TATDN2: variants seen among roughly 807,000 people sequenced by gnomAD.
TATDN2 encodes TatD DNase domain containing 2.
TATDN2 carries 44 observed loss-of-function variants against 60.3 expected under a neutral mutation model. The observed-to-expected ratio is 0.73, with a 90% CI of 0.57 to 0.94. The LOEUF is 0.94. TATDN2 is among the 40% of genes least tolerant of loss of function. TATDN2 has a pLI of 0.00. For missense variants in TATDN2, 997 were observed against 948.0 expected, an observed-to-expected ratio of 1.05 and a Z score of -0.68; for synonymous variants, 399 against 355.8, an observed-to-expected ratio of 1.12 and a Z score of -1.37.
At chr3:10,252,862 T>TG (rs951968775) in intron 2 of TATDN2, among the ~76,000 whole-genome samples, 3 of 147,186 alleles carry the variant, frequency 2.0e-5, no homozygotes, top group African/African-American at 7.6e-5. Context: ...CTAATTTTTT[T>TG]TTTTTTTTTT....
chr3:10,269,884 A>AT (rs923907589), intron 3 of TATDN2, among the ~76,000 whole-genome samples: 7 of 152,218 alleles, frequency 4.6e-5, no homozygotes, highest in African/African-American at 1.7e-4. Flanking sequence ...GAGTAGCATG[A>AT]TGAGGCCATG....
intron 2 of TATDN2, among the ~76,000 whole-genome samples, chr3:10,259,185 T>C (rs1225287591): frequency 1.3e-5 from 2 of 151,712 alleles, no homozygotes; most frequent in African/African-American, 4.8e-5. Context: ...TTTATAGAGA[T>C]GGGGTTTCGC....
In TATDN2 at chr3:10,252,750, G is replaced by GC. The variant is rs1176645277; in HGVS notation, c.414+3137dup. Among the ~76,000 whole-genome samples the GC allele has an allele frequency of 4.0e-5, 6 of 151,516 alleles. 1 individual carries two copies. Among genetic ancestry groups the GC allele is most frequent in the African/African-American group, 1.5e-4 (6 of 41,334 alleles). On this transcript the variant is annotated intron_variant, in intron 2 of 7. Coordinates refer to ENST00000448281, the MANE Select transcript of TATDN2 (RefSeq NM_014760.4). Reference sequence around the variant, plus strand: ...CTGTCACCCAGGCTGGAGTGCACTGGCATGATCATAGCTCACTGCATCTCA... The same window carrying GC: ...CTGTCACCCAGGCTGGAGTGCACTGGCCATGATCATAGCTCACTGCATCTCA...
At chr3:10,264,602 G>A (rs543352531) in intron 3 of TATDN2, among the ~76,000 whole-genome samples, 19 of 151,614 alleles carry the variant, frequency 1.3e-4, no homozygotes, top group African/African-American at 4.6e-4. Context: ...TTGGTCTTTC[G>A]GATGGAAATT....
At chr3:10,254,680 CAG>C (rs1415496457) in intron 2 of TATDN2, among the ~76,000 whole-genome samples, 3 of 152,164 alleles carry the variant, frequency 2.0e-5, no homozygotes, top group African/African-American at 7.2e-5. Context: ...AGGGAGAAGA[CAG>C]GGAGCTGGTG....
intron 4 of TATDN2, among the ~76,000 whole-genome samples, chr3:10,273,186 A>G (rs1698590897): frequency 1.3e-5 from 2 of 152,190 alleles, no homozygotes; most frequent in Admixed American, 1.3e-4. Flanking sequence ...GAAGATAATG[A>G]GTCTGAGGAG....
rs750772919 is a variant in TATDN2, at chr3:10,260,226, C to T, written c.504C>T (p.Asn168=). 3 of 1,614,058 alleles carry T rather than the reference C, an allele frequency of 1.9e-6. No individual in the cohort carries two copies. Among genetic ancestry groups the T allele is most frequent in the South Asian group, 2.2e-5 (2 of 91,072 alleles). ...EGQNDTIEEP[N]KVQKRKRDRL... is the part of the protein sequence containing the mutation. ...AGAATGATACAATTGAGGAACCCAA[C>T]AAGGTCCAGAAAAGGAAGAGGGATA... Residue 168 remains asparagine, a synonymous_variant, in exon 3 of 8, where the codon AAC becomes AAT. Transcript: ENST00000448281.
chr3:10,255,538 C>G (rs1004076404), intron 2 of TATDN2, among the ~76,000 whole-genome samples: 1 of 151,930 alleles, frequency 6.6e-6, no homozygotes, highest in Non-Finnish European at 1.5e-5. Context: ...TCCCCCAACT[C>G]CAGTCTTGGT....
Position 10,278,036 on chromosome 3 carries a change from G to T in TATDN2, c.1962-243G>T, listed in dbSNP as rs4684675. On this transcript the variant is annotated intron_variant, in intron 5 of 7. Transcript: ENST00000448281. The surrounding 1 kb of genome is among the most constrained non-coding windows in gnomAD (Gnocchi z 4.7). Reference sequence around the variant, plus strand: ...TGTTCTCTGTGGTGGTCATCTCAGGGGACTGCAGAGCACTCTGTGGTGTGC... The same window carrying T: ...TGTTCTCTGTGGTGGTCATCTCAGGTGACTGCAGAGCACTCTGTGGTGTGC... Among the ~76,000 whole-genome samples, 112,316 of 151,928 alleles carry T rather than the reference G, an allele frequency of 0.74. 41,920 individuals are homozygous for T. The highest frequency in any genetic ancestry group is 0.98 in the East Asian group (5,047 of 5,172).
chr3:10,249,874 C>T (rs1451468281), intron 2 of TATDN2, among the ~76,000 whole-genome samples: 1 of 152,160 alleles, frequency 6.6e-6, no homozygotes, highest in Non-Finnish European at 1.5e-5. Context: ...CTTGGGCCTG[C>T]CTCCTACTCC....
At chr3:10,254,907 C>T (rs958430746) in intron 2 of TATDN2, among the ~76,000 whole-genome samples, 4 of 152,168 alleles carry the variant, frequency 2.6e-5, no homozygotes, top group Non-Finnish European at 4.4e-5. Context: ...CCTGCTGAAA[C>T]TCATCCTCGG....
intron 4 of TATDN2, among the ~76,000 whole-genome samples, chr3:10,275,323 A>G (rs1350763023): frequency 3.3e-5 from 5 of 152,236 alleles, no homozygotes; most frequent in Non-Finnish European, 7.3e-5. Flanking sequence ...GTTAGAGGAA[A>G]GAACAGGTCC....
Position 10,260,776 on chromosome 3 carries a change from A to G in TATDN2, c.948+106A>G, listed in dbSNP as rs1182669658. On this transcript the variant is annotated intron_variant, in intron 3 of 7. Transcript: ENST00000448281. ...TGTTACTAATTAAAAATAGTACTTT[A>G]CTTAACCAGGCCTCCAGGGAACAAA... The G allele has an allele frequency of 3.0e-6, 4 of 1,337,370 alleles. No individual in the cohort carries two copies. In the African/African-American group the frequency reaches 5.9e-5, roughly 20 times the overall value. The allele number at this position is 1,337,370 out of a possible 1,614,324, so 82.8% of individuals were successfully genotyped here.
Position 10,279,863 on chromosome 3 carries a change from G to A in TATDN2, c.*681G>A, listed in dbSNP as rs182389131. On this transcript the variant is annotated 3_prime_UTR_variant, in exon 8 of 8. Coordinates refer to ENST00000448281, the MANE Select transcript of TATDN2 (RefSeq NM_014760.4). ...AGAGGAGCACTCATTGTCCATGATG[G>A]AGATCCAGGACAGACTGGGGGACTC... is the stretch of plus-strand genomic sequence containing the variant. 6.5e-6 allele frequency: 1 copy of A among 153,586 alleles called. No individual in the cohort carries two copies. Among genetic ancestry groups the A allele is most frequent in the African/African-American group, 2.4e-5 (1 of 41,546 alleles). The allele number at this position is 153,586 out of a possible 1,614,324, so 9.5% of individuals were successfully genotyped here.
intron 3 of TATDN2, among the ~76,000 whole-genome samples, chr3:10,265,715 A>G (rs1205612877): frequency 6.7e-6 from 1 of 148,172 alleles, no homozygotes; most frequent in Non-Finnish European, 1.5e-5. Flanking sequence ...AGTTTTTGTC[A>G]TCCAGGTTGG....
At chr3:10,277,763 C>T (rs1005000605) in intron 5 of TATDN2, among the ~76,000 whole-genome samples, 5 of 152,044 alleles carry the variant, frequency 3.3e-5, no homozygotes, top group Admixed American at 2.0e-4. Flanking sequence ...GGTGACCCAA[C>T]GAGGTGGTAT....
rs565111505 is a variant in TATDN2 at position 10,249,036 on chromosome 3, A to G, written c.-38A>G. 30 of 736,504 alleles carry G rather than the reference A, an allele frequency of 4.1e-5. No homozygotes were observed. In the East Asian group the frequency reaches 8.3e-4, roughly 20 times the overall value. 45.6% of individuals were successfully genotyped at this position (736,504 alleles called of 1,614,324 possible). ...GTTTGGCATCTCTGAAACCTTGAGA[A>G]CTGTGATGGGCAGTGGAAAGAAGAG... is the stretch of plus-strand genomic sequence containing the variant. On this transcript the variant is annotated 5_prime_UTR_variant, in exon 1 of 8. Transcript: ENST00000448281.
At chr3:10,254,385 A>T (rs1559459253) in intron 2 of TATDN2, among the ~76,000 whole-genome samples, 2 of 152,152 alleles carry the variant, frequency 1.3e-5, no homozygotes, top group South Asian at 2.1e-4. Context: ...ACATGCCCAA[A>T]ATGTCAGGAA....
Position 10,281,043 on chromosome 3 carries a change from A to G in TATDN2, c.*1861A>G, listed in dbSNP as rs1285561643. ...CTCTCTAGGATTTAGATTATCATTT[A>G]TGTGCTGTTGCACAGTGAAACCTCA... On this transcript the variant is annotated 3_prime_UTR_variant, in exon 8 of 8. Coordinates refer to ENST00000448281, the MANE Select transcript of TATDN2 (RefSeq NM_014760.4). 1 of 152,226 alleles carries G rather than the reference A, an allele frequency of 6.6e-6. No individual in the cohort carries two copies. Among genetic ancestry groups the G allele is most frequent in the Non-Finnish European group, 1.5e-5 (1 of 68,054 alleles). The allele number at this position is 152,226 out of a possible 1,614,324, so 9.4% of individuals were successfully genotyped here.
Sources: gnomAD v4.1 joint callset for allele counts (sites outside exome capture counted in the v4.1 genomes callset) on GRCh38, gnomAD v4.1.1 for gene constraint, Gnocchi (gnomAD v3.1) non-coding constraint, MANE v1.5 for transcripts, NCBI Gene and HGNC (gene_info 2026-07-23, HGNC 2026-07-21) for gene names.